The following GYPE variants were observed in gnomAD, a reference collection of about 807,000 sequenced individuals.
The protein encoded by GYPE is glycophorin E (MNS blood group), also known as glycophorin-E.
GYPE carries 8 observed loss-of-function variants against 11.6 expected under a neutral mutation model. The observed-to-expected ratio is 0.69, with a 90% CI of 0.41 to 1.25. The LOEUF (loss-of-function observed/expected upper bound fraction) is 1.25. Ranked by LOEUF, GYPE falls within the 50% of genes most tolerant of loss-of-function variation. GYPE has a pLI of 0.01. For missense variants in GYPE, 90 were observed against 92.8 expected (o/e 0.97, Z 0.12); for synonymous variants, 28 against 29.6 (o/e 0.94, Z 0.18).
At chr4:143,885,960 GT>G (rs67949558) in intron 1 of GYPE, among the ~76,000 whole-genome samples, 28,151 of 38,036 alleles carry the variant, frequency 0.74, 11,928 homozygotes, top group East Asian at 1. Context: ...GATAAAAATT[GT>G]TTTTTATATC....
intron 2 of GYPE, 84 bp downstream of exon 2, chr4:143,880,327 C>G (rs925641890): frequency 4.4e-6 from 7 of 1,604,732 alleles, no homozygotes; most frequent in Non-Finnish European, 6.0e-6. Context: ...GTCAGTTTCT[C>G]TGCAGTGACA....
At chr4:143,875,508 G>T (rs183086093) in intron 3 of GYPE, 74 of 1,550,880 alleles carry the variant, frequency 4.8e-5, no homozygotes, top group Admixed American at 2.7e-4. Flanking sequence ...ACATCCTCAT[G>T]CCTGTGATAA....
intron 1 of GYPE, among the ~76,000 whole-genome samples, chr4:143,904,245 C>G: frequency 6.6e-6 from 1 of 151,994 alleles, no homozygotes; most frequent in Non-Finnish European, 1.5e-5. Flanking sequence ...ATTATTAATA[C>G]TTATTAATCA....
At chr4:143,890,191 A>G (rs1240965593) in intron 1 of GYPE, among the ~76,000 whole-genome samples, 1 of 152,164 alleles carries the variant, frequency 6.6e-6, no homozygotes, top group Non-Finnish European at 1.5e-5. Context: ...GCAGTGGCAA[A>G]TCCACATTAC....
intron 1 of GYPE, among the ~76,000 whole-genome samples, chr4:143,895,183 G>C (rs1417340343): frequency 6.6e-6 from 1 of 152,088 alleles, no homozygotes; most frequent in Non-Finnish European, 1.5e-5. Flanking sequence ...ACGAAATAAA[G>C]GGTATTCAAT....
rs369918628 is a variant in GYPE, at chr4:143,871,090, G to A, written c.*1172C>T. Reference sequence around the variant, plus strand: ...TGAGAATAGCACAGGGGAAACCACCGCAATGATTCAAGTACCTCCCACTGG... The same window carrying A: ...TGAGAATAGCACAGGGGAAACCACCACAATGATTCAAGTACCTCCCACTGG... On this transcript the variant is annotated 3_prime_UTR_variant, in exon 4 of 4. Transcript: ENST00000358615. 2.7e-5 allele frequency: 4 copies of A among 149,438 alleles called. No individual in the cohort carries two copies. The highest frequency in any genetic ancestry group is 6.6e-5 in the Admixed American group (1 of 15,132). The allele number at this position is 149,438 out of a possible 1,614,324, so 9.3% of individuals were successfully genotyped here.
intron 1 of GYPE, among the ~76,000 whole-genome samples, chr4:143,898,585 T>G (rs1395322684): frequency 6.6e-6 from 1 of 151,974 alleles, no homozygotes; most frequent in Non-Finnish European, 1.5e-5. Context: ...AATAAGAAAT[T>G]GGCAAAAATA....
intron 3 of GYPE, chr4:143,873,420 C>A (rs1385872930): frequency 4.4e-6 from 2 of 455,566 alleles, no homozygotes; most frequent in Non-Finnish European, 8.8e-6. Flanking sequence ...TAATAAAGGT[C>A]TAAAATTTCC....
chr4:143,872,851 C>A (rs959374121), intron 3 of GYPE, among the ~76,000 whole-genome samples: 1 of 143,422 alleles, frequency 7.0e-6, no homozygotes, highest in African/African-American at 2.7e-5. Flanking sequence ...TCAGTGGTTG[C>A]AACCAAATGA....
At chr4:143,875,440 T>A (rs1329384713) in intron 3 of GYPE, 5 of 1,550,192 alleles carry the variant, frequency 3.2e-6, no homozygotes, top group East Asian at 2.4e-5. Flanking sequence ...CCAGTTTGCA[T>A]AAGCAAGAGA....
At chr4:143,902,268 G>A (rs1744896019) in intron 1 of GYPE, among the ~76,000 whole-genome samples, 2 of 150,146 alleles carry the variant, frequency 1.3e-5, no homozygotes, top group Admixed American at 1.3e-4. Flanking sequence ...GTATTCCCTG[G>A]CATACAGTTC....
At chr4:143,895,754 C>T (rs1199626964) in intron 1 of GYPE, among the ~76,000 whole-genome samples, 2 of 150,374 alleles carry the variant, frequency 1.3e-5, no homozygotes, top group South Asian at 2.1e-4. Flanking sequence ...TGGCTTCAAA[C>T]TATACTACAA....
intron 1 of GYPE, among the ~76,000 whole-genome samples, chr4:143,885,249 T>C (rs1037773188): frequency 2.6e-5 from 4 of 152,146 alleles, no homozygotes; most frequent in African/African-American, 9.7e-5. Context: ...TTTAATTATT[T>C]TAATTTTAAA....
intron 1 of GYPE, among the ~76,000 whole-genome samples, chr4:143,890,202 G>A (rs1489194160): frequency 2.6e-5 from 4 of 152,130 alleles, no homozygotes; most frequent in Non-Finnish European, 5.9e-5. Flanking sequence ...TCCACATTAC[G>A]GAAGAACAGA....
chr4:143,897,020 G>C (rs1041248935), intron 1 of GYPE, among the ~76,000 whole-genome samples: 35 of 151,980 alleles, frequency 2.3e-4, no homozygotes, highest in Non-Finnish European at 1.5e-5. Flanking sequence ...GGTGGGGGCA[G>C]GGGGGAGGGA....
Sources: gnomAD v4.1 joint callset for allele counts (sites outside exome capture counted in the v4.1 genomes callset) on GRCh38, gnomAD v4.1.1 for gene constraint, MANE v1.5 for transcripts, NCBI Gene and HGNC (gene_info 2026-07-23, HGNC 2026-07-21) for gene names.